NLRP12: variants seen among roughly 807,000 people sequenced by gnomAD.
NLRP12 encodes NLR family pyrin domain containing 12.
In NLRP12, 108 loss-of-function variants were observed where a neutral mutation model predicts 91.2. The ratio of observed to expected loss-of-function variants is 1.18; its 90% CI spans 1.01 to 1.39. The LOEUF (loss-of-function observed/expected upper bound fraction) is 1.39. Among genes scored for constraint, NLRP12 ranks in the 40% most tolerant of loss-of-function variants. The pLI is 0.00. For synonymous variants in NLRP12, 613 were observed against 566.7 expected (o/e 1.08, Z -1.16); for missense variants, 1,530 against 1,352.7 (o/e 1.13, Z -2.06).
At chr19:53,794,759 T>A (rs2091718308) in intron 9 of NLRP12, among the ~76,000 whole-genome samples, 1 of 150,664 alleles carries the variant, frequency 6.6e-6, no homozygotes, top group Non-Finnish European at 1.5e-5. Flanking sequence ...CTCCGCCTCC[T>A]GGCTTCAAGC....
At chr19:53,804,293 G>A (rs1447906174) in intron 5 of NLRP12, among the ~76,000 whole-genome samples, 171 bp from the exon 6 acceptor site, 4 of 151,890 alleles carry the variant, frequency 2.6e-5, no homozygotes, top group Admixed American at 6.6e-5. Context: ...CCAGGCTCCC[G>A]TGATCCTCCT....
At chr19:53,807,259 C>T (rs1353492951) in intron 4 of NLRP12, among the ~76,000 whole-genome samples, 2 of 152,134 alleles carry the variant, frequency 1.3e-5, no homozygotes, top group Non-Finnish European at 2.9e-5. Flanking sequence ...GTAGAGATGG[C>T]ATTTTGCCAT....
chr19:53,810,023 T>G lies in NLRP12; in HGVS notation c.1636A>C (p.Thr546Pro), dbSNP rs2092037334. The G allele has an allele frequency of 6.2e-7, 1 of 1,614,044 alleles. No homozygotes were observed. Among genetic ancestry groups the G allele is most frequent in the South Asian group, 1.1e-5 (1 of 91,070 alleles). Residue 546 changes from threonine to proline, a missense_variant, in exon 3 of 10, where the codon ACC becomes CCC. By Grantham distance (38) the Thr-to-Pro change is conservative (BLOSUM62 -1). Coordinates refer to ENST00000324134, the MANE Select transcript of NLRP12 (RefSeq NM_144687.4). ...CTCCTTTCAGAAAACGCGTACTCGG[T>G]CAACAGCCTGGTCACGTCCTGGTCT... Reference protein sequence around the residue: ...GPDQDVTRLLTEYAFSERSFL... With the variant: ...GPDQDVTRLLPEYAFSERSFL...
chr19:53,807,552 C>G lies in NLRP12; in HGVS notation c.2186G>C (p.Gly729Ala). The G allele has an allele frequency of 6.2e-7, 1 of 1,614,104 alleles. No homozygotes were observed. Among genetic ancestry groups the G allele is most frequent in the Non-Finnish European group, 8.5e-7 (1 of 1,180,014 alleles). Residue 729 changes from glycine (G) to alanine (A), a missense_variant, in exon 4 of 10, where the codon GGG (glycine) becomes GCG (alanine). Physicochemically the swap from Gly to Ala is moderately conservative, Grantham distance 60 (BLOSUM62 0). Coordinates refer to ENST00000324134, the MANE Select transcript of NLRP12 (RefSeq NM_144687.4). ...SLYRNALGSR[G>A]VKLLCQGLRH... is the part of the protein sequence containing the mutation. ...GAGTCCTTGACAGAGCAGCTTCACC[C>G]CCCGGCTGCCCAGGGCATTTCGGTA...
At chr19:53,807,365 G>T (rs1568671175) in intron 4 of NLRP12, 130 bp downstream of exon 4, 1 of 905,732 alleles carries the variant, frequency 1.1e-6, no homozygotes, top group Non-Finnish European at 1.7e-6. Flanking sequence ...ACGGCACCTG[G>T]CTTTGTGACA....
At chr19:53,797,023 T>C (rs947564385) in intron 8 of NLRP12, among the ~76,000 whole-genome samples, 1 of 151,950 alleles carries the variant, frequency 6.6e-6, no homozygotes, top group Non-Finnish European at 1.5e-5. Flanking sequence ...AGATGATGCC[T>C]CATCCCATTC....
At chr19:53,809,531 A>AAAC (rs2092019932) in intron 3 of NLRP12, 56 bp downstream of exon 3, 6 of 1,382,368 alleles carry the variant, frequency 4.3e-6, no homozygotes, top group Middle Eastern at 2.6e-4. Context: ...AAAAAAAAAA[A>AAAC]AAAAAAAAAA....
At position 53,810,038 on chromosome 19, in the gene NLRP12, C is replaced by T. The variant is rs142569357; in HGVS notation, c.1621G>A (p.Val541Met). Residue 541 changes from valine to methionine, a missense_variant, in exon 3 of 10, where the codon GTG becomes ATG. Coordinates refer to ENST00000324134, the MANE Select transcript of NLRP12 (RefSeq NM_144687.4). ...GCGTACTCGGTCAACAGCCTGGTCACGTCCTGGTCTGGGCCTGCCCCGCCC... is the reference window on the plus strand; with the variant it reads ...GCGTACTCGGTCAACAGCCTGGTCATGTCCTGGTCTGGGCCTGCCCCGCCC... ...GEGGAGPDQD[V>M]TRLLTEYAFS... 4.3e-6 allele frequency: 7 copies of T among 1,614,034 alleles called. No individual in the cohort carries two copies. In the African/African-American group the frequency reaches 5.3e-5, roughly 12 times the overall value.
chr19:53,818,799 G>A (rs528989997), intron 1 of NLRP12, among the ~76,000 whole-genome samples: 4 of 152,304 alleles, frequency 2.6e-5, no homozygotes, highest in Non-Finnish European at 4.4e-5. Context: ...GATTCCTGTT[G>A]CCTAAGACCT....
chr19:53,798,709 T>C (rs756242342), intron 7 of NLRP12, among the ~76,000 whole-genome samples: 1 of 152,146 alleles, frequency 6.6e-6, no homozygotes, highest in African/African-American at 2.4e-5. Flanking sequence ...TTGTGACCAG[T>C]CTGGACAACC....
intron 2 of NLRP12, 68 bp from the exon 3 acceptor site, chr19:53,811,356 G>T: frequency 7.6e-6 from 12 of 1,572,522 alleles, no homozygotes; most frequent in Non-Finnish European, 1.0e-5. Flanking sequence ...ACGAGGTAAA[G>T]CGCTCCTCAT....
At chr19:53,807,906 A>C in intron 3 of NLRP12, 1 of 473,778 alleles carries the variant, frequency 2.1e-6, no homozygotes, top group Non-Finnish European at 4.0e-6. Flanking sequence ...ATGAGCCACC[A>C]CGCCCAGTTA....
chr19:53,823,787 T>C lies in NLRP12; in HGVS notation c.289+99A>G, dbSNP rs149983790. The stretch of plus-strand genomic sequence containing the variant: ...CTGGTCTTGAACTCCTCACCTCAAG[T>C]GATCTGCCCTCTTCAGCCTCCCAAA... On this transcript the variant is annotated intron_variant, in intron 1 of 9. Transcript: ENST00000324134. The C allele has an allele frequency of 1.4e-3, 1,912 of 1,348,344 alleles. 22 individuals carry two copies. The African/African-American group carries it at 0.024, about 17-fold the overall frequency. 83.5% of individuals were successfully genotyped at this position (1,348,344 alleles called of 1,614,324 possible). A position where few individuals can be genotyped will look rare whatever the true frequency, so the allele number is the denominator to read the frequency against.
chr19:53,809,604 G>C lies in NLRP12; in HGVS notation c.2055C>G (p.His685Gln), dbSNP rs374387350. The change falls in exon 3 of 10, where the codon CAC becomes CAG. Residue 685 changes from histidine to glutamine, a missense_variant. By Grantham distance (24) the His-to-Gln change is conservative. Transcript: ENST00000324134. ...EDRARCSAGA[H>Q]TLLVQLPERT... ...ATACTTACAGCTGCACCAACAGCGT[G>C]TGCGCTCCTGCGGAGCACCTCGCGC... 13 of 1,611,690 alleles carry C rather than the reference G, an allele frequency of 8.1e-6. No individual in the cohort carries two copies. The highest frequency in any genetic ancestry group is 1.3e-5 in the African/African-American group (1 of 74,650).
At chr19:53,799,388 T>G (rs1266868019) in intron 7 of NLRP12, among the ~76,000 whole-genome samples, 1 of 152,174 alleles carries the variant, frequency 6.6e-6, no homozygotes, top group African/African-American at 2.4e-5. Flanking sequence ...TTTGAGCACT[T>G]CTACCCACGT....
At chr19:53,820,299 G>A (rs1398564924) in intron 1 of NLRP12, among the ~76,000 whole-genome samples, 1 of 152,116 alleles carries the variant, frequency 6.6e-6, no homozygotes, top group Non-Finnish European at 1.5e-5. Flanking sequence ...GGAGGCCGAG[G>A]TGGATGGATC....
chr19:53,821,894 G>A (rs1055267224), intron 1 of NLRP12, among the ~76,000 whole-genome samples: 2 of 152,028 alleles, frequency 1.3e-5, no homozygotes, highest in Non-Finnish European at 2.9e-5. Flanking sequence ...AAGACCAAAG[G>A]GATGAAATTA....
At chr19:53,795,235 C>A (rs1481110144) in intron 9 of NLRP12, among the ~76,000 whole-genome samples, 1 of 148,328 alleles carries the variant, frequency 6.7e-6, no homozygotes, top group Non-Finnish European at 1.5e-5. Context: ...CACTGCACTC[C>A]AGCCTGGGCC....
At position 53,814,920 on chromosome 19, in the gene NLRP12, T is replaced by A; in HGVS notation, c.358A>T (p.Thr120Ser). 6.2e-7 allele frequency: 1 copy of A among 1,613,540 alleles called. No homozygotes were observed. Among genetic ancestry groups the A allele is most frequent in the Non-Finnish European group, 8.5e-7 (1 of 1,179,770 alleles). Residue 120 changes from threonine to serine, a missense_variant, in exon 2 of 10, where the codon ACT (threonine) becomes TCT (serine). Transcript: ENST00000324134. ...GCTTGAGGCTCACCTTTTCTTGGAG[T>A]GACAAGAGAGACTTCCAGAAGGCAT... ...STCLLEVSLV[T>S]PRKDPQETYR...
Sources: gnomAD v4.1 joint callset for allele counts (sites outside exome capture counted in the v4.1 genomes callset) on GRCh38, gnomAD v4.1.1 for gene constraint, MANE v1.5 for transcripts, NCBI Gene and HGNC (gene_info 2026-07-23, HGNC 2026-07-21) for gene names.